SLC24A2: variants seen among roughly 807,000 people sequenced by gnomAD.
SLC24A2 encodes solute carrier family 24 member 2.
SLC24A2 carries 36 observed loss-of-function variants against 62.0 expected under a neutral mutation model. The observed-to-expected ratio is 0.58, with a 90% confidence interval of 0.44 to 0.77. The LOEUF (loss-of-function observed/expected upper bound fraction) is 0.77. Among genes scored for constraint, SLC24A2 ranks in the 30% least tolerant of loss-of-function variants. SLC24A2 has a pLI of 0.00. For missense variants in SLC24A2, 846 were observed against 817.9 expected, an observed-to-expected ratio of 1.03 and a Z score of -0.42; for synonymous variants, 358 against 294.0, an observed-to-expected ratio of 1.22 and a Z score of -2.23.
the SLC24A2 span, chr9:19,929,979 A>T: frequency 6.6e-6 from 1 of 152,244 alleles, no homozygotes; most frequent in Non-Finnish European, 1.5e-5. Flanking sequence ...ATAGCTATAC[A>T]ATATATTTGT....
chr9:19,674,841 G>A (rs1188717591), intron 2 of SLC24A2, among the ~76,000 whole-genome samples: 1 of 152,102 alleles, frequency 6.6e-6, no homozygotes, highest in Admixed American at 6.6e-5. Context: ...TTGACCTTCT[G>A]AATTCTTTTT....
chr9:20,060,012 A>C, the SLC24A2 span, among the ~76,000 whole-genome samples: 41 of 152,146 alleles, frequency 2.7e-4, no homozygotes, highest in African/African-American at 8.9e-4. Flanking sequence ...ACTATAAGAG[A>C]ACACTATGAA....
chr9:19,982,170 G>A, the SLC24A2 span, among the ~76,000 whole-genome samples: 2 of 152,122 alleles, frequency 1.3e-5, no homozygotes, highest in African/African-American at 4.8e-5. Flanking sequence ...TATACAAGAT[G>A]GGCAATGGGT....
intron 4 of SLC24A2, among the ~76,000 whole-genome samples, chr9:19,607,487 A>T (rs993401564): frequency 6.6e-6 from 1 of 152,172 alleles, no homozygotes; most frequent in Non-Finnish European, 1.5e-5. Context: ...GAGGAGGCCA[A>T]GGCAGGTGGA....
At chr9:19,533,133 G>A (rs1833784997) in intron 8 of SLC24A2, among the ~76,000 whole-genome samples, 2 of 152,130 alleles carry the variant, frequency 1.3e-5, no homozygotes, top group Admixed American at 1.3e-4. Flanking sequence ...AAGCTAGTGG[G>A]AGTACTATAT....
chr9:20,065,409 A>G, the SLC24A2 span, among the ~76,000 whole-genome samples: 1 of 152,218 alleles, frequency 6.6e-6, no homozygotes, highest in African/African-American at 2.4e-5. Flanking sequence ...GCCAGTCCCA[A>G]TATCCTGTAA....
chr9:20,203,638 G>T, the SLC24A2 span, among the ~76,000 whole-genome samples: 2 of 151,742 alleles, frequency 1.3e-5, no homozygotes, highest in Non-Finnish European at 2.9e-5. Context: ...GGGGCCAAGA[G>T]TTCAAGACCA....
At chr9:19,609,992 G>T (rs2132932603) in intron 4 of SLC24A2, among the ~76,000 whole-genome samples, 1 of 152,308 alleles carries the variant, frequency 6.6e-6, no homozygotes, top group South Asian at 2.1e-4. Context: ...CTCACCTCCT[G>T]CTGTGTGGCC....
At chr9:20,229,026 T>A in the SLC24A2 span, among the ~76,000 whole-genome samples, 2 of 152,106 alleles carry the variant, frequency 1.3e-5, no homozygotes, top group African/African-American at 2.4e-5. Flanking sequence ...GAGCTGGGTG[T>A]GAGGTGTGAC....
intron 8 of SLC24A2, among the ~76,000 whole-genome samples, chr9:19,543,291 T>G (rs1225121889): frequency 6.6e-6 from 1 of 152,238 alleles, no homozygotes; most frequent in African/African-American, 2.4e-5. Context: ...TTATCATTTT[T>G]TATTGCATCC....
chr9:19,735,269 C>A (rs994108249), intron 2 of SLC24A2, among the ~76,000 whole-genome samples: 1 of 152,160 alleles, frequency 6.6e-6, no homozygotes, highest in Non-Finnish European at 1.5e-5. Flanking sequence ...CTCATCATCA[C>A]TGGCCATCAG....
the SLC24A2 span, among the ~76,000 whole-genome samples, chr9:19,801,081 C>A: frequency 6.6e-6 from 1 of 152,144 alleles, no homozygotes; most frequent in Non-Finnish European, 1.5e-5. Flanking sequence ...AGATGGTGGC[C>A]GGCCGCTTCC....
the SLC24A2 span, among the ~76,000 whole-genome samples, chr9:20,092,137 T>C: frequency 6.6e-6 from 1 of 152,162 alleles, no homozygotes; most frequent in Admixed American, 6.6e-5. Flanking sequence ...AAAATAACTA[T>C]TGGTTACTCG....
At chr9:20,182,714 C>T in the SLC24A2 span, among the ~76,000 whole-genome samples, 27 of 152,236 alleles carry the variant, frequency 1.8e-4, no homozygotes, top group African/African-American at 6.5e-4. Context: ...AGCAAACCAA[C>T]AGGCACATGT....
the SLC24A2 span, among the ~76,000 whole-genome samples, chr9:19,877,139 A>G: frequency 2.0e-5 from 3 of 151,496 alleles, no homozygotes; most frequent in Admixed American, 6.6e-5. Context: ...GGGTGAGGGA[A>G]AAGTGATGTT....
the SLC24A2 span, among the ~76,000 whole-genome samples, chr9:20,288,779 G>C: frequency 1.3e-5 from 2 of 150,398 alleles, no homozygotes; most frequent in Non-Finnish European, 3.0e-5. Flanking sequence ...CAATGGAAGA[G>C]ACACAATGCA....
intron 2 of SLC24A2, among the ~76,000 whole-genome samples, chr9:19,638,506 G>A (rs544679769): frequency 1.3e-5 from 2 of 152,142 alleles, no homozygotes; most frequent in East Asian, 1.9e-4. Context: ...TATTTTGTTT[G>A]TTTTCTTGGT....
At chr9:19,956,027 C>A in the SLC24A2 span, among the ~76,000 whole-genome samples, 1 of 152,162 alleles carries the variant, frequency 6.6e-6, no homozygotes, top group African/African-American at 2.4e-5. Flanking sequence ...ACAGCACTAG[C>A]CCTAGAGGTA....
the SLC24A2 span, among the ~76,000 whole-genome samples, chr9:20,190,429 T>G: frequency 6.6e-6 from 1 of 152,202 alleles, no homozygotes; most frequent in Non-Finnish European, 1.5e-5. Context: ...TCAATAAACA[T>G]ATAAATGTCT....
Sources: allele counts gnomAD v4.1 joint callset (sites outside exome capture counted in the v4.1 genomes callset), GRCh38; gene constraint gnomAD v4.1.1; transcripts MANE v1.5; gene names NCBI Gene and HGNC (gene_info 2026-07-23, HGNC 2026-07-21).